Variants in ANKRD6 observed in about 807,000 individuals in gnomAD.
The protein encoded by ANKRD6 is ankyrin repeat domain 6.
In ANKRD6, 56 loss-of-function variants were observed where a neutral mutation model predicts 82.3. The ratio of observed to expected loss-of-function variants is 0.68; its 90% CI spans 0.55 to 0.85. ANKRD6 has a LOEUF of 0.85. ANKRD6 is among the 40% of genes least tolerant of loss of function. ANKRD6 has a pLI of 0.00. For synonymous variants in ANKRD6, 347 were observed against 352.1 expected (o/e 0.99, Z 0.16); for missense variants, 852 against 907.6 (o/e 0.94, Z 0.79).
At chr6:89,626,912 C>T (rs575159539) in intron 13 of ANKRD6, among the ~76,000 whole-genome samples, 1 of 152,340 alleles carries the variant, frequency 6.6e-6, no homozygotes, top group African/African-American at 2.4e-5. Context: ...TTGCTCACTG[C>T]AAGAGCCGGA....
intron 5 of ANKRD6, among the ~76,000 whole-genome samples, chr6:89,609,871 AG>A (rs1563051102): frequency 6.6e-6 from 1 of 152,156 alleles, no homozygotes; most frequent in Non-Finnish European, 1.5e-5. Flanking sequence ...CGGCCTCCCA[AG>A]GTGATGGATT....
intron 1 of ANKRD6, among the ~76,000 whole-genome samples, chr6:89,537,879 CAAAAAAA>C (rs55864526): frequency 9.0e-6 from 1 of 110,812 alleles, no homozygotes; most frequent in Non-Finnish European, 1.8e-5. Context: ...GACAATGTCT[CAAAAAAA>C]AAAAAAAAAA....
intron 5 of ANKRD6, among the ~76,000 whole-genome samples, chr6:89,609,872 G>A (rs1023058466): frequency 2.6e-4 from 40 of 152,070 alleles, no homozygotes; most frequent in African/African-American, 8.7e-4. Context: ...GGCCTCCCAA[G>A]GTGATGGATT....
intron 1 of ANKRD6, among the ~76,000 whole-genome samples, chr6:89,499,935 A>C (rs1003300811): frequency 2.0e-5 from 3 of 152,140 alleles, no homozygotes; most frequent in Non-Finnish European, 4.4e-5. Context: ...TGGAGACAAA[A>C]AGCATGAAAT....
At chr6:89,583,885 G>C (rs112512615) in intron 2 of ANKRD6, among the ~76,000 whole-genome samples, 104 of 152,336 alleles carry the variant, frequency 6.8e-4, no homozygotes, top group African/African-American at 2.1e-3. Context: ...TAGGCTTGGT[G>C]GGAGTTTGGG....
intron 14 of ANKRD6, chr6:89,628,871 A>C: frequency 2.0e-6 from 1 of 490,832 alleles, no homozygotes. Flanking sequence ...CCCCCTTGAC[A>C]CAAACACCTC....
At chr6:89,442,042 A>G (rs892666885) in intron 1 of ANKRD6, among the ~76,000 whole-genome samples, 4 of 151,958 alleles carry the variant, frequency 2.6e-5, no homozygotes, top group Non-Finnish European at 4.4e-5. Flanking sequence ...TCTGTCGCCC[A>G]GGCTGGAGCA....
intron 3 of ANKRD6, among the ~76,000 whole-genome samples, chr6:89,600,750 G>T (rs1327187029): frequency 1.3e-5 from 2 of 152,110 alleles, no homozygotes; most frequent in Non-Finnish European, 2.9e-5. Context: ...AAGTTGAGAC[G>T]TGGGGCCAGG....
intron 7 of ANKRD6, among the ~76,000 whole-genome samples, chr6:89,614,284 C>T (rs1250166632): frequency 2.0e-5 from 3 of 152,134 alleles, no homozygotes; most frequent in Non-Finnish European, 2.9e-5. Context: ...GCAGGAGGAT[C>T]ACTTGAGGCT....
chr6:89,631,612 GAA>G lies in ANKRD6; in HGVS notation c.*611_*612del, dbSNP rs1807414981. On this transcript the variant is annotated 3_prime_UTR_variant, in exon 16 of 16. Transcript: ENST00000339746. ...AATATATCTTATGATAAAATTTATT[GAA>G]AAGTCAGTTTATTTAAATAATGAAT... is the stretch of plus-strand genomic sequence containing the variant. 1 of 152,214 alleles carries G rather than the reference GAA, an allele frequency of 6.6e-6. No individual in the cohort carries two copies. The highest frequency in any genetic ancestry group is 1.9e-4 in the East Asian group (1 of 5,178). The allele number at this position is 152,214 out of a possible 1,614,324, so 9.4% of individuals were successfully genotyped here.
intron 1 of ANKRD6, among the ~76,000 whole-genome samples, chr6:89,486,390 T>C (rs1309032586): frequency 6.6e-6 from 1 of 152,132 alleles, no homozygotes; most frequent in Non-Finnish European, 1.5e-5. Flanking sequence ...GTAAGTACAC[T>C]CTATGATGTT....
At chr6:89,481,388 G>A (rs1253048326) in intron 1 of ANKRD6, among the ~76,000 whole-genome samples, 2 of 152,126 alleles carry the variant, frequency 1.3e-5, no homozygotes, top group African/African-American at 4.8e-5. Flanking sequence ...ATGCTTATTG[G>A]AGAATTGTAG....
chr6:89,588,154 G>C (rs902070342), intron 2 of ANKRD6, among the ~76,000 whole-genome samples: 1 of 104,482 alleles, frequency 9.6e-6, no homozygotes, highest in Admixed American at 1.2e-4. Flanking sequence ...AAATCTAAAC[G>C]AGGAGCCAGG....
At chr6:89,611,903 A>C (rs55809317) in intron 5 of ANKRD6, among the ~76,000 whole-genome samples, 1,799 of 152,360 alleles carry the variant, frequency 0.012, 20 homozygotes, top group Non-Finnish European at 0.018. Context: ...GCATGTGTCC[A>C]GCATTGTGTG....
At chr6:89,616,928 G>T in intron 8 of ANKRD6, 1 of 599,742 alleles carries the variant, frequency 1.7e-6, no homozygotes, top group Non-Finnish European at 3.1e-6. Context: ...GGGATGTCCA[G>T]TTAAACTGAC....
At chr6:89,517,591 A>T (rs559272116) in intron 1 of ANKRD6, among the ~76,000 whole-genome samples, 1 of 152,376 alleles carries the variant, frequency 6.6e-6, no homozygotes, top group South Asian at 2.1e-4. Context: ...TGGAACCATT[A>T]TATATGAAAA....
Position 89,461,429 on chromosome 6 carries a change from G to A in ANKRD6, c.-144+28054G>A, listed in dbSNP as rs145326099. Reference sequence around the variant, plus strand: ...TTTCTTATGTGCTGCAGTATTATGCGCTGTTTGTAGGAAGTTATGTAGTTA... The same window carrying A: ...TTTCTTATGTGCTGCAGTATTATGCACTGTTTGTAGGAAGTTATGTAGTTA... On this transcript the variant is annotated intron_variant, in intron 1 of 15. Coordinates refer to ENST00000339746, the MANE Select transcript of ANKRD6 (RefSeq NM_001242809.2). Among the ~76,000 whole-genome samples the A allele has an allele frequency of 4.3e-4, 65 of 152,260 alleles. 1 individual carries two copies. In the East Asian group the frequency reaches 0.01, roughly 24 times the overall value.
intron 1 of ANKRD6, among the ~76,000 whole-genome samples, chr6:89,468,694 G>T (rs908241295): frequency 6.6e-6 from 1 of 151,166 alleles, no homozygotes; most frequent in Non-Finnish European, 1.5e-5. Context: ...CAAAGGGTTG[G>T]ACACCTGCGG....
intron 1 of ANKRD6, among the ~76,000 whole-genome samples, chr6:89,503,537 A>G (rs1238567105): frequency 6.6e-6 from 1 of 152,196 alleles, no homozygotes; most frequent in African/African-American, 2.4e-5. Flanking sequence ...CAAGTTACCT[A>G]ATCCCCTACA....
Sources: allele counts gnomAD v4.1 joint callset (sites outside exome capture counted in the v4.1 genomes callset), GRCh38; gene constraint gnomAD v4.1.1; transcripts MANE v1.5; gene names NCBI Gene and HGNC (gene_info 2026-07-23, HGNC 2026-07-21).